The following RABGEF1 variants were observed in gnomAD, a reference collection of about 807,000 sequenced individuals.
RABGEF1 encodes the protein rab5 GDP/GTP exchange factor.
In RABGEF1, 26 loss-of-function variants were observed where a neutral mutation model predicts 57.3. The observed-to-expected ratio is 0.45, with a 90% CI of 0.33 to 0.63. The LOEUF is 0.63. Ranked by LOEUF, RABGEF1 falls within the 20% of genes least tolerant of loss-of-function variation. The pLI, the probability that RABGEF1 is intolerant of heterozygous loss-of-function variation, is 0.02. For synonymous variants in RABGEF1, 185 were observed against 210.7 expected (o/e 0.88, Z 1.06); for missense variants, 464 against 607.6 (o/e 0.76, Z 2.48).
At chr7:66,685,393 G>A (rs1486087449) in intron 1 of RABGEF1, among the ~76,000 whole-genome samples, 4 of 152,014 alleles carry the variant, frequency 2.6e-5, no homozygotes, top group East Asian at 1.9e-4. Flanking sequence ...GTTGGCTCAC[G>A]CCTGTAATCC....
chr7:66,735,460 C>T (rs1206168798), intron 2 of RABGEF1, among the ~76,000 whole-genome samples: 1 of 152,198 alleles, frequency 6.6e-6, no homozygotes, highest in Non-Finnish European at 1.5e-5. Context: ...GGTGAGTTAC[C>T]TCACAGTTCC....
At chr7:66,674,554 G>A in the RABGEF1 span, among the ~76,000 whole-genome samples, 2 of 151,994 alleles carry the variant, frequency 1.3e-5, no homozygotes, top group Admixed American at 6.6e-5. Flanking sequence ...GAAACAACCC[G>A]AATGTCCATC....
intron 1 of RABGEF1, among the ~76,000 whole-genome samples, chr7:66,706,317 T>A (rs544240199): frequency 6.6e-6 from 1 of 152,286 alleles, no homozygotes; most frequent in Non-Finnish European, 1.5e-5. Context: ...ATACTTTCAT[T>A]TCTCTTATGC....
intron 1 of RABGEF1, among the ~76,000 whole-genome samples, chr7:66,750,263 C>G (rs927122488): frequency 5.3e-5 from 8 of 152,268 alleles, no homozygotes; most frequent in Middle Eastern, 3.4e-3. Context: ...ATGAGAAATT[C>G]AATGGCAAAG....
chr7:66,771,415 A>G (rs1234295583), intron 1 of RABGEF1, among the ~76,000 whole-genome samples: 1 of 152,232 alleles, frequency 6.6e-6, no homozygotes, highest in East Asian at 1.9e-4. Context: ...CTGGGATTAC[A>G]GGTGTGAGCC....
At chr7:66,710,556 C>A (rs1261912795) in intron 1 of RABGEF1, among the ~76,000 whole-genome samples, 2 of 152,172 alleles carry the variant, frequency 1.3e-5, no homozygotes, top group Non-Finnish European at 2.9e-5. Context: ...ATATGATCAG[C>A]CCTTTTAATT....
chr7:66,774,475 A>G (rs755291335), intron 2 of RABGEF1, among the ~76,000 whole-genome samples: 36 of 152,224 alleles, frequency 2.4e-4, no homozygotes, highest in African/African-American at 6.0e-4. Flanking sequence ...GCCTTCCTGT[A>G]TATCCAGCAT....
intron 2 of RABGEF1, among the ~76,000 whole-genome samples, chr7:66,772,783 G>A (rs1302240813): frequency 1.3e-5 from 2 of 151,742 alleles, no homozygotes; most frequent in East Asian, 1.9e-4. Context: ...ATGGTGGTAC[G>A]CATTTGTTAT....
intron 1 of RABGEF1, among the ~76,000 whole-genome samples, chr7:66,745,166 T>G (rs1333765685): frequency 6.6e-6 from 1 of 151,490 alleles, no homozygotes; most frequent in Non-Finnish European, 1.5e-5. Flanking sequence ...CACTCCAGCC[T>G]GAGCGACAGA....
chr7:66,780,276 T>C (rs1809584118), intron 3 of RABGEF1, among the ~76,000 whole-genome samples: 1 of 152,232 alleles, frequency 6.6e-6, no homozygotes, highest in Admixed American at 6.5e-5. Context: ...GCTCAGGCTT[T>C]GGATTTAAGC....
At chr7:66,681,257 A>G (rs1789704145), upstream of RABGEF1, among the ~76,000 whole-genome samples, 1 of 152,210 alleles carries the variant, frequency 6.6e-6, no homozygotes, top group Non-Finnish European at 1.5e-5. Context: ...ACTCAGAGCA[A>G]TCAGCATGTA....
chr7:66,695,983 G>T (rs1792273221), intron 1 of RABGEF1, among the ~76,000 whole-genome samples: 1 of 151,776 alleles, frequency 6.6e-6, no homozygotes, highest in Non-Finnish European at 1.5e-5. Flanking sequence ...AAAATAAAGT[G>T]TAGATGACTC....
intron 1 of RABGEF1, among the ~76,000 whole-genome samples, chr7:66,755,158 G>A (rs1802409215): frequency 1.3e-5 from 2 of 152,198 alleles, no homozygotes; most frequent in Admixed American, 1.3e-4. Flanking sequence ...GCTGGGCGTG[G>A]TGGCAGGTGC....
the RABGEF1 span, among the ~76,000 whole-genome samples, chr7:66,671,356 T>A: frequency 6.6e-6 from 1 of 151,746 alleles, no homozygotes; most frequent in Admixed American, 6.6e-5. Context: ...TCCTACGCAA[T>A]ATGAGACCAG....
intron 1 of RABGEF1, among the ~76,000 whole-genome samples, chr7:66,710,648 T>G (rs2117379138): frequency 6.6e-6 from 1 of 152,338 alleles, no homozygotes; most frequent in Non-Finnish European, 1.5e-5. Context: ...TATAAAGCAT[T>G]TGTTCATATA....
At chr7:66,751,147 C>G (rs1801333383) in intron 1 of RABGEF1, among the ~76,000 whole-genome samples, 1 of 151,958 alleles carries the variant, frequency 6.6e-6, no homozygotes, top group Non-Finnish European at 1.5e-5. Flanking sequence ...TCTCCTGCCT[C>G]AGCCTCCTGA....
At chr7:66,733,298 C>T (rs1415717869) in intron 2 of RABGEF1, among the ~76,000 whole-genome samples, 2 of 152,188 alleles carry the variant, frequency 1.3e-5, no homozygotes, top group African/African-American at 2.4e-5. Context: ...ACCACCCCCT[C>T]GAGGCTGCCC....
intron 1 of RABGEF1, among the ~76,000 whole-genome samples, chr7:66,741,456 T>G (rs1329765616): frequency 6.6e-6 from 1 of 151,984 alleles, no homozygotes; most frequent in Admixed American, 6.6e-5. Context: ...TCACGGCAGT[T>G]TAGGGAGAGA....
At chr7:66,782,378 G>A (rs1426052134) in intron 3 of RABGEF1, among the ~76,000 whole-genome samples, 17 of 150,726 alleles carry the variant, frequency 1.1e-4, no homozygotes, top group Non-Finnish European at 2.4e-4. Flanking sequence ...GTATCCTTTT[G>A]TGCTTTTATT....
Sources: allele counts gnomAD v4.1 joint callset (sites outside exome capture counted in the v4.1 genomes callset), GRCh38; gene constraint gnomAD v4.1.1; transcripts MANE v1.5; gene names NCBI Gene and HGNC (gene_info 2026-07-23, HGNC 2026-07-21).